The following LRMDA variants were observed in gnomAD, a reference collection of about 807,000 sequenced individuals.
The protein encoded by LRMDA is leucine-rich melanocyte differentiation-associated protein.
Under a neutral mutation model 29.8 loss-of-function variants are expected in LRMDA, and 18 were observed. The observed-to-expected ratio is 0.60, with a 90% confidence interval of 0.42 to 0.90. The LOEUF (loss-of-function observed/expected upper bound fraction) is 0.90. Ranked by LOEUF, LRMDA falls within the 40% of genes least tolerant of loss-of-function variation. LRMDA has a pLI of 0.00. For synonymous variants in LRMDA, 125 were observed against 109.4 expected (o/e 1.14, Z -0.89); for missense variants, 273 against 273.9 (o/e 1.00, Z 0.02).
At chr10:76,178,298 C>T (rs913560858) in intron 5 of LRMDA, among the ~76,000 whole-genome samples, 2 of 152,146 alleles carry the variant, frequency 1.3e-5, no homozygotes, top group African/African-American at 4.8e-5. Flanking sequence ...ATGAGGACTA[C>T]CTGGCCAGCT....
intron 6 of LRMDA, among the ~76,000 whole-genome samples, chr10:76,526,831 T>C (rs1259564245): frequency 4.5e-5 from 3 of 66,332 alleles, no homozygotes; most frequent in Non-Finnish European, 7.8e-5. Context: ...GGGACTGTTG[T>C]GGGGTGGGGG....
Position 76,007,779 on chromosome 10 carries a change from C to T in LRMDA, c.132-28229C>T, listed in dbSNP as rs139038570. 2.2e-3 allele frequency among the ~76,000 whole-genome samples: 330 copies of T among 152,212 alleles called. 3 individuals carry two copies. The highest frequency in any genetic ancestry group is 0.011 in the Admixed American group (161 of 15,290). On this transcript the variant is annotated intron_variant, in intron 2 of 6. Transcript: ENST00000611255. ...TGAGATGCTCTTCCAAAGGATTTAT[C>T]GTCAGAATCAGAGGAGGGGAAGGGG... is the stretch of plus-strand genomic sequence containing the variant.
At chr10:76,251,412 C>T (rs552433206) in intron 5 of LRMDA, among the ~76,000 whole-genome samples, 12 of 151,006 alleles carry the variant, frequency 7.9e-5, no homozygotes, top group Non-Finnish European at 1.6e-4. Flanking sequence ...GCCACCGCGC[C>T]CGGCTAATTT....
intron 6 of LRMDA, among the ~76,000 whole-genome samples, chr10:76,373,489 T>G (rs982573904): frequency 6.6e-6 from 1 of 152,170 alleles, no homozygotes; most frequent in African/African-American, 2.4e-5. Context: ...GTCTGGACTT[T>G]GAGAGCTTAG....
intron 2 of LRMDA, among the ~76,000 whole-genome samples, chr10:75,960,253 T>A (rs961062218): frequency 1.3e-5 from 2 of 152,234 alleles, no homozygotes; most frequent in African/African-American, 2.4e-5. Flanking sequence ...AAATTCCCCA[T>A]GGATAGGCAT....
intron 6 of LRMDA, among the ~76,000 whole-genome samples, chr10:76,548,055 A>G (rs1276790596): frequency 6.6e-6 from 1 of 152,196 alleles, no homozygotes; most frequent in African/African-American, 2.4e-5. Context: ...GACTGAACAA[A>G]TAAATAATGA....
chr10:75,616,234 TAGCAGTAGC>T (rs1554816093), intron 2 of LRMDA, among the ~76,000 whole-genome samples: 2 of 146,714 alleles, frequency 1.4e-5, no homozygotes, highest in Admixed American at 6.6e-5. Flanking sequence ...ACAGTAATAG[TAGCAGTAGC>T]AGCAGTAGCA....
intron 2 of LRMDA, among the ~76,000 whole-genome samples, chr10:75,961,507 A>G (rs962051224): frequency 6.6e-6 from 1 of 152,240 alleles, no homozygotes; most frequent in Non-Finnish European, 1.5e-5. Flanking sequence ...TCTGAGACCT[A>G]TTGCCACATC....
At chr10:76,361,213 A>G (rs1841307610) in intron 6 of LRMDA, among the ~76,000 whole-genome samples, 1 of 151,820 alleles carries the variant, frequency 6.6e-6, no homozygotes, top group Admixed American at 6.6e-5. Context: ...GTGAGTCGAG[A>G]TTGCACCATT....
At position 76,146,203 on chromosome 10, in the gene LRMDA, AG is replaced by A. The variant is rs566357106; in HGVS notation, c.516+87422del. Among the ~76,000 whole-genome samples, 4 of 152,272 alleles carry A rather than the reference AG, an allele frequency of 2.6e-5. No individual in the cohort carries two copies. In the East Asian group the frequency reaches 5.8e-4, roughly 22 times the overall value. Reference sequence around the variant, plus strand: ...GTGGAGAGTTCTGTAGATTTCTATTAGGTCCACTTGGTGCAGAGCTGAGATC... The same window carrying A: ...GTGGAGAGTTCTGTAGATTTCTATTAGTCCACTTGGTGCAGAGCTGAGATC... On this transcript the variant is annotated intron_variant, in intron 5 of 6. Transcript: ENST00000611255.
At chr10:76,523,903 G>A (rs1293546317) in intron 6 of LRMDA, among the ~76,000 whole-genome samples, 1 of 152,188 alleles carries the variant, frequency 6.6e-6, no homozygotes. Flanking sequence ...TTCAGAATCT[G>A]TTCTCAGCCT....
intron 2 of LRMDA, among the ~76,000 whole-genome samples, chr10:75,946,772 A>C (rs1012583355): frequency 5.9e-5 from 9 of 152,134 alleles, no homozygotes; most frequent in African/African-American, 2.2e-4. Context: ...TGGTAGTTAC[A>C]TCCCGCCTGC....
At chr10:76,230,946 G>A (rs1030114635) in intron 5 of LRMDA, among the ~76,000 whole-genome samples, 1 of 152,180 alleles carries the variant, frequency 6.6e-6, no homozygotes, top group Non-Finnish European at 1.5e-5. Flanking sequence ...TAAAATTACA[G>A]CTAGAGGCAA....
intron 2 of LRMDA, among the ~76,000 whole-genome samples, chr10:75,576,136 T>C (rs1251448706): frequency 6.6e-6 from 1 of 152,128 alleles, no homozygotes; most frequent in Non-Finnish European, 1.5e-5. Flanking sequence ...TTCTAGCTGC[T>C]AGCACAGCAG....
At chr10:76,374,942 A>G (rs1244797452) in intron 6 of LRMDA, among the ~76,000 whole-genome samples, 1 of 152,216 alleles carries the variant, frequency 6.6e-6, no homozygotes, top group Non-Finnish European at 1.5e-5. Flanking sequence ...GTAGAAACAT[A>G]AAACAAAAGA....
chr10:75,873,961 C>T (rs1041315826), intron 2 of LRMDA, among the ~76,000 whole-genome samples: 1 of 152,052 alleles, frequency 6.6e-6, no homozygotes, highest in Non-Finnish European at 1.5e-5. Context: ...GATGAAACAG[C>T]CTTCTCTTAT....
chr10:76,133,223 A>C (rs1331598982), intron 5 of LRMDA, among the ~76,000 whole-genome samples: 2 of 151,968 alleles, frequency 1.3e-5, no homozygotes, highest in African/African-American at 4.8e-5. Flanking sequence ...GTGTTACTTA[A>C]TCTCATTTCA....
chr10:75,954,260 T>C (rs1358522174), intron 2 of LRMDA, among the ~76,000 whole-genome samples: 1 of 152,164 alleles, frequency 6.6e-6, no homozygotes, highest in Non-Finnish European at 1.5e-5. Flanking sequence ...ACCCTGAGCA[T>C]AGAACCCAGC....
At chr10:75,620,076 A>G (rs1004597896) in intron 2 of LRMDA, among the ~76,000 whole-genome samples, 1 of 152,142 alleles carries the variant, frequency 6.6e-6, no homozygotes, top group African/African-American at 2.4e-5. Flanking sequence ...GGGCAAGCAC[A>G]CTGCGAACAG....
Sources: gnomAD v4.1 joint callset for allele counts (sites outside exome capture counted in the v4.1 genomes callset) on GRCh38, gnomAD v4.1.1 for gene constraint, MANE v1.5 for transcripts, NCBI Gene and HGNC (gene_info 2026-07-23, HGNC 2026-07-21) for gene names.